Variants in SCN2A observed in about 807,000 individuals in gnomAD.
The protein encoded by SCN2A is sodium voltage-gated channel alpha subunit 2.
SCN2A carries 20 observed loss-of-function variants against 188.7 expected under a neutral mutation model. The ratio of observed to expected loss-of-function variants is 0.11; its 90% confidence interval spans 0.07 to 0.15. SCN2A has a LOEUF of 0.15. Among genes scored for constraint, SCN2A ranks in the 10% least tolerant of loss-of-function variants. The probability of loss-of-function intolerance (pLI) is 1.00; values close to 1 mark genes in which losing one functional copy is unlikely to be tolerated. For synonymous variants in SCN2A, 804 were observed against 833.1 expected, an observed-to-expected ratio of 0.97 and a Z score of 0.60; for missense variants, 1,278 against 2,445.0, an observed-to-expected ratio of 0.52 and a Z score of 10.07.
chr2:165,289,876 A>G (rs1375517366), intron 1 of SCN2A, among the ~76,000 whole-genome samples: 4 of 152,164 alleles, frequency 2.6e-5, no homozygotes, highest in Non-Finnish European at 5.9e-5. Flanking sequence ...AACTAATATA[A>G]TGTTAAGGAA....
chr2:165,258,394 A>G (rs1694423713), intron 1 of SCN2A, among the ~76,000 whole-genome samples: 1 of 152,164 alleles, frequency 6.6e-6, no homozygotes, highest in Non-Finnish European at 1.5e-5. Context: ...CTAGCCAGTT[A>G]TCCCAGCATT....
intron 3 of SCN2A, among the ~76,000 whole-genome samples, chr2:165,299,655 T>C (rs980556559): frequency 2.6e-5 from 4 of 152,198 alleles, no homozygotes; most frequent in African/African-American, 9.6e-5. Context: ...ATATAGATGC[T>C]GTAGTTAGTA....
At chr2:165,334,252 T>C (rs529011928) in intron 14 of SCN2A, among the ~76,000 whole-genome samples, 1 of 151,788 alleles carries the variant, frequency 6.6e-6, no homozygotes, top group East Asian at 1.9e-4. Context: ...GAGAAGGGAA[T>C]ACTTCTCACC....
At chr2:165,307,541 G>C (rs1267056834) in intron 3 of SCN2A, among the ~76,000 whole-genome samples, 5 of 152,098 alleles carry the variant, frequency 3.3e-5, no homozygotes, top group Non-Finnish European at 7.4e-5. Context: ...GTTCAGTTGA[G>C]TCTGTCGTTA....
intron 1 of SCN2A, among the ~76,000 whole-genome samples, chr2:165,286,258 A>T (rs753664582): frequency 6.6e-6 from 1 of 152,158 alleles, no homozygotes; most frequent in African/African-American, 2.4e-5. Flanking sequence ...CAACATTAAC[A>T]TCTGGTTAGT....
intron 1 of SCN2A, among the ~76,000 whole-genome samples, chr2:165,254,527 A>G: frequency 6.6e-6 from 1 of 151,656 alleles, no homozygotes; most frequent in South Asian, 2.1e-4. Flanking sequence ...TCTAGATAAT[A>G]TCAATATTTA....
At position 165,259,670 on chromosome 2, in the gene SCN2A, A is replaced by G. The variant is rs533866116; in HGVS notation, c.-52+20030A>G. Among the ~76,000 whole-genome samples, 7 of 152,226 alleles carry G rather than the reference A, an allele frequency of 4.6e-5. No homozygotes were observed. In the South Asian group the frequency reaches 1.2e-3, roughly 27 times the overall value. ...AGTCACATTTTCAGGCTTCACTTCT[A>G]TTCTAGTTCTCTTGCTATTTCTACC... is the stretch of plus-strand genomic sequence containing the variant. On this transcript the variant is annotated intron_variant, in intron 1 of 26. Coordinates refer to ENST00000375437, the MANE Select transcript of SCN2A (RefSeq NM_001040142.2).
intron 17 of SCN2A, among the ~76,000 whole-genome samples, chr2:165,363,808 A>G (rs1700584582): frequency 6.6e-6 from 1 of 152,124 alleles, no homozygotes; most frequent in Non-Finnish European, 1.5e-5. Flanking sequence ...TGGACAAATT[A>G]AAAAATAATT....
intron 1 of SCN2A, among the ~76,000 whole-genome samples, chr2:165,283,366 A>G (rs1395735115): frequency 1.3e-5 from 2 of 152,192 alleles, no homozygotes; most frequent in African/African-American, 2.4e-5. Flanking sequence ...AGGGCATCAT[A>G]TAAGTGTAAG....
intron 14 of SCN2A, among the ~76,000 whole-genome samples, chr2:165,341,093 G>T (rs1236005330): frequency 1.3e-5 from 2 of 151,906 alleles, no homozygotes; most frequent in African/African-American, 4.8e-5. Flanking sequence ...TATATTTTTT[G>T]TTTGTTTGTT....
chr2:165,373,903 C>A (rs772811412), intron 21 of SCN2A, among the ~76,000 whole-genome samples: 4 of 152,016 alleles, frequency 2.6e-5, no homozygotes, highest in Non-Finnish European at 5.9e-5. Flanking sequence ...AGACCACATA[C>A]CCTCACCACC....
At chr2:165,312,627 G>T (rs1697500966) in intron 8 of SCN2A, among the ~76,000 whole-genome samples, 1 of 152,044 alleles carries the variant, frequency 6.6e-6, no homozygotes, top group Non-Finnish European at 1.5e-5. Context: ...TAGGGTTTTT[G>T]TGATGATGAA....
Position 165,375,819 on chromosome 2 carries a change from GCA to G in SCN2A, c.4254+871_4254+872del, listed in dbSNP as rs112644456. 5.0e-3 allele frequency among the ~76,000 whole-genome samples: 725 copies of G among 146,436 alleles called. 4 individuals carry two copies. Among genetic ancestry groups the G allele is most frequent in the African/African-American group, 0.016 (662 of 40,194 alleles). ...TGTATATATATGTGTGTGTATACACGCACACACACACACACACACCCCTATAG... is the reference window on the plus strand; with the variant it reads ...TGTATATATATGTGTGTGTATACACGCACACACACACACACACCCCTATAG... On this transcript the variant is annotated intron_variant, in intron 22 of 26. Coordinates refer to ENST00000375437, the MANE Select transcript of SCN2A (RefSeq NM_001040142.2).
At chr2:165,255,459 G>T (rs16850290) in intron 1 of SCN2A, among the ~76,000 whole-genome samples, 2 of 151,618 alleles carry the variant, frequency 1.3e-5, no homozygotes, top group African/African-American at 2.4e-5. Flanking sequence ...CTCCATAAGC[G>T]TATTATTTTA....
intron 17 of SCN2A, among the ~76,000 whole-genome samples, chr2:165,355,003 A>G (rs1172625964): frequency 2.0e-5 from 3 of 152,200 alleles, no homozygotes; most frequent in Non-Finnish European, 4.4e-5. Flanking sequence ...TTTGCCCACA[A>G]CAGTGTTTTT....
chr2:165,300,707 G>A (rs78408375), intron 3 of SCN2A, among the ~76,000 whole-genome samples: 5 of 152,290 alleles, frequency 3.3e-5, no homozygotes, highest in East Asian at 1.9e-4. Context: ...GGCAGGAAGC[G>A]AGAGGATGAC....
At chr2:165,370,638 G>C (rs537917660) in intron 20 of SCN2A, 1 of 273,390 alleles carries the variant, frequency 3.7e-6, no homozygotes, top group Non-Finnish European at 7.1e-6. Context: ...ATTTTTCACA[G>C]GCATCTTTGA....
At chr2:165,293,731 CA>C in intron 1 of SCN2A, 1 of 515,214 alleles carries the variant, frequency 1.9e-6, no homozygotes, top group Non-Finnish European at 2.5e-6. Flanking sequence ...TGAGGAGAAG[CA>C]TTATCTGTTA....
At chr2:165,367,509 A>G in intron 19 of SCN2A, 138 bp downstream of exon 19, 1 of 1,030,336 alleles carries the variant, frequency 9.7e-7, no homozygotes, top group South Asian at 1.4e-5. Flanking sequence ...TTTAGCACAT[A>G]TGAGAGGCTT....
Sources: allele counts gnomAD v4.1 joint callset (sites outside exome capture counted in the v4.1 genomes callset), GRCh38; gene constraint gnomAD v4.1.1; transcripts MANE v1.5; gene names NCBI Gene and HGNC (gene_info 2026-07-23, HGNC 2026-07-21).